Variants in CSMD1 observed in about 807,000 individuals in gnomAD.
CSMD1 encodes CUB and Sushi multiple domains 1, also known as CUB and sushi domain-containing protein 1.
A neutral mutation model predicts 417.5 loss-of-function variants in CSMD1; 213 were observed. The observed-to-expected ratio is 0.51, with a 90% CI of 0.46 to 0.57. The LOEUF (loss-of-function observed/expected upper bound fraction) is 0.57, where lower values mean the gene tolerates loss of function less well. CSMD1 is among the 20% of genes least tolerant of loss of function. The probability of loss-of-function intolerance (pLI) is 0.00; values close to 1 mark genes in which losing one functional copy is unlikely to be tolerated. For synonymous variants in CSMD1, 2,862 were observed against 1,736.8 expected, an observed-to-expected ratio of 1.65 and a Z score of -16.11; for missense variants, 6,923 against 4,529.7, an observed-to-expected ratio of 1.53 and a Z score of -15.17.
intron 26 of CSMD1, among the ~76,000 whole-genome samples, chr8:3,236,151 C>T (rs141431536): frequency 1.2e-4 from 19 of 152,104 alleles, no homozygotes; most frequent in African/African-American, 4.1e-4. Flanking sequence ...ATCTCTTAAC[C>T]TTGTGATCTG....
chr8:4,805,568 G>A (rs969394478), intron 1 of CSMD1, among the ~76,000 whole-genome samples: 1 of 152,178 alleles, frequency 6.6e-6, no homozygotes, highest in Non-Finnish European at 1.5e-5. Context: ...TGCTCTAAAT[G>A]TGAAATGGAG....
intron 1 of CSMD1, among the ~76,000 whole-genome samples, chr8:4,724,540 G>GTC (rs1481680983): frequency 2.2e-3 from 329 of 150,476 alleles, no homozygotes; most frequent in Non-Finnish European, 3.7e-3. Context: ...GTGTGTGTGT[G>GTC]TGTGTGTGTG....
At chr8:3,085,248 A>T (rs1814440628) in intron 49 of CSMD1, among the ~76,000 whole-genome samples, 1 of 152,198 alleles carries the variant, frequency 6.6e-6, no homozygotes, top group Admixed American at 6.5e-5. Context: ...TGTTTTTAAG[A>T]TCCCTCCAAG....
intron 5 of CSMD1, among the ~76,000 whole-genome samples, chr8:3,950,800 G>A (rs146506065): frequency 9.7e-4 from 147 of 151,876 alleles, no homozygotes; most frequent in African/African-American, 3.4e-3. Context: ...CATATTCTTC[G>A]GTCATAATAG....
At chr8:4,080,283 A>C (rs1800060399) in intron 3 of CSMD1, among the ~76,000 whole-genome samples, 1 of 152,166 alleles carries the variant, frequency 6.6e-6, no homozygotes, top group African/African-American at 2.4e-5. Flanking sequence ...ACAAGTGCAC[A>C]CCACGGTTAC....
chr8:4,382,850 T>G (rs1258139803), intron 3 of CSMD1, among the ~76,000 whole-genome samples: 4 of 152,192 alleles, frequency 2.6e-5, no homozygotes, highest in African/African-American at 9.7e-5. Flanking sequence ...CTTACACATT[T>G]TGCCTACAAG....
chr8:3,962,376 G>A (rs1418507553), intron 5 of CSMD1, among the ~76,000 whole-genome samples: 3 of 152,302 alleles, frequency 2.0e-5, no homozygotes, highest in South Asian at 4.1e-4. Context: ...GAGTCAGGCA[G>A]CACGGGCGTT....
At chr8:3,263,927 G>A (rs1306484107) in intron 26 of CSMD1, among the ~76,000 whole-genome samples, 3 of 152,126 alleles carry the variant, frequency 2.0e-5, no homozygotes, top group African/African-American at 2.4e-5. Flanking sequence ...TTACCTAATG[G>A]TAACGCTAAC....
intron 5 of CSMD1, among the ~76,000 whole-genome samples, chr8:3,806,047 TG>T (rs1800720615): frequency 6.6e-6 from 1 of 152,178 alleles, no homozygotes; most frequent in Admixed American, 6.5e-5. Context: ...ACTTCTTCAA[TG>T]GATTTTAATT....
intron 12 of CSMD1, among the ~76,000 whole-genome samples, chr8:3,412,793 G>C (rs533420152): frequency 1.3e-5 from 2 of 152,290 alleles, no homozygotes; most frequent in South Asian, 2.1e-4. Context: ...ACAGAGATGG[G>C]AATGGATTTA....
At chr8:3,275,421 C>A (rs1239891563) in intron 26 of CSMD1, among the ~76,000 whole-genome samples, 2 of 152,098 alleles carry the variant, frequency 1.3e-5, no homozygotes, top group African/African-American at 4.8e-5. Context: ...TGTTGCTCTT[C>A]TCGAGGAGTA....
intron 5 of CSMD1, among the ~76,000 whole-genome samples, chr8:3,972,899 A>C (rs2554709): frequency 0.57 from 86,617 of 151,748 alleles, 25,206 homozygotes; most frequent in East Asian, 0.8. Flanking sequence ...AAATGTAAAA[A>C]TGGAAAACAA....
rs954656839 is a variant in CSMD1 at position 3,462,131 on chromosome 8, C to G, written c.1561+6581G>C. 5.1e-4 allele frequency among the ~76,000 whole-genome samples: 78 copies of G among 151,976 alleles called. 1 individual carries two copies. Among genetic ancestry groups the G allele is most frequent in the African/African-American group, 1.5e-3 (61 of 41,528 alleles). ...TCTCTTCAGAATCCAGGCCCCCCCCCCCACCTCCCAGCTGCTCGGGACCCA... is the reference window on the plus strand; with the variant it reads ...TCTCTTCAGAATCCAGGCCCCCCCCGCCACCTCCCAGCTGCTCGGGACCCA... On this transcript the variant is annotated intron_variant, in intron 12 of 69. Transcript: ENST00000635120.
intron 3 of CSMD1, among the ~76,000 whole-genome samples, chr8:4,320,054 A>C (rs574175957): frequency 3.9e-5 from 6 of 152,350 alleles, no homozygotes; most frequent in South Asian, 2.1e-4. Context: ...AGTAGTAAAC[A>C]AAAGACTTCG....
chr8:2,999,763 A>G (rs562629397), intron 53 of CSMD1, among the ~76,000 whole-genome samples, 195 bp downstream of exon 53: 3 of 142,854 alleles, frequency 2.1e-5, no homozygotes, highest in East Asian at 4.0e-4. Flanking sequence ...GAAGGAAACA[A>G]AACGGGAAGG....
chr8:3,630,559 GGAA>G (rs1419455754), intron 7 of CSMD1, among the ~76,000 whole-genome samples: 1 of 152,170 alleles, frequency 6.6e-6, no homozygotes, highest in Non-Finnish European at 1.5e-5. Flanking sequence ...GCCAATTAGA[GGAA>G]GAAGGAGAGG....
chr8:4,960,402 G>A (rs114080279), intron 1 of CSMD1, among the ~76,000 whole-genome samples: 12 of 152,142 alleles, frequency 7.9e-5, no homozygotes, highest in East Asian at 1.9e-4. Flanking sequence ...GCAAGCTACC[G>A]ATCTCACTCT....
intron 50 of CSMD1, among the ~76,000 whole-genome samples, chr8:3,034,265 C>A (rs1181448986): frequency 2.0e-5 from 3 of 152,238 alleles, no homozygotes; most frequent in South Asian, 2.1e-4. Flanking sequence ...GCTTTTTTGT[C>A]CTTTTTTAAC....
intron 7 of CSMD1, among the ~76,000 whole-genome samples, chr8:3,656,572 G>A (rs77717916): frequency 3.3e-5 from 5 of 152,100 alleles, no homozygotes; most frequent in African/African-American, 1.2e-4. Flanking sequence ...GATGGGAGAG[G>A]AGTTTTCTTA....
Sources: gnomAD v4.1 joint callset for allele counts (sites outside exome capture counted in the v4.1 genomes callset) on GRCh38, gnomAD v4.1.1 for gene constraint, MANE v1.5 for transcripts, NCBI Gene and HGNC (gene_info 2026-07-23, HGNC 2026-07-21) for gene names.